METTL25: variants seen among roughly 807,000 people sequenced by gnomAD.
The protein encoded by METTL25 is methyltransferase like 25.
In METTL25, 64 loss-of-function variants were observed where a neutral mutation model predicts 71.6. The ratio of observed to expected loss-of-function variants is 0.89; its 90% CI spans 0.73 to 1.10. The LOEUF is 1.10. METTL25 is among the 50% of genes least tolerant of loss of function. The pLI is 0.00. For missense variants in METTL25, 807 were observed against 707.0 expected, an observed-to-expected ratio of 1.14 and a Z score of -1.60; for synonymous variants, 287 against 250.3, an observed-to-expected ratio of 1.15 and a Z score of -1.38.
At chr12:82,384,403 C>T (rs527989445) in intron 1 of METTL25, among the ~76,000 whole-genome samples, 7 of 148,438 alleles carry the variant, frequency 4.7e-5, no homozygotes, top group Non-Finnish European at 7.5e-5. Context: ...CTCTGTCTTC[C>T]TCCCTCCCTC....
Position 82,438,742 on chromosome 12 carries a change from C to A in METTL25, c.1429C>A (p.Arg477Ser), listed in dbSNP as rs763803362. The change falls in exon 8 of 12, where the codon CGT becomes AGT. Residue 477 changes from arginine (R) to serine (S), a missense_variant. By Grantham distance (110) the Arg-to-Ser change is moderately radical. Coordinates refer to ENST00000248306, the MANE Select transcript of METTL25 (RefSeq NM_032230.3). ...QGLPTESLFY[R>S]AVLQDIIKDC... is the part of the protein sequence containing the mutation. ...GCTGCCTACTGAATCACTCTTCTAT[C>A]GTGCTGTTCTTCAGGATATTATTAA... 6.5e-7 allele frequency: 1 copy of A among 1,535,000 alleles called. No individual in the cohort carries two copies. Among genetic ancestry groups the A allele is most frequent in the East Asian group, 2.4e-5 (1 of 42,354 alleles).
At chr12:82,400,032 T>C (rs1886455809) in intron 4 of METTL25, among the ~76,000 whole-genome samples, 1 of 151,284 alleles carries the variant, frequency 6.6e-6, no homozygotes, top group Non-Finnish European at 1.5e-5. Context: ...CCCAAAGAAA[T>C]GTATAAATAG....
At chr12:82,363,179 A>C in intron 1 of METTL25, among the ~76,000 whole-genome samples, 1 of 152,218 alleles carries the variant, frequency 6.6e-6, no homozygotes, top group East Asian at 1.9e-4. Flanking sequence ...ATGATCTCTT[A>C]ACTCCACATG....
At chr12:82,364,390 A>G (rs1016021858) in intron 1 of METTL25, among the ~76,000 whole-genome samples, 2 of 152,154 alleles carry the variant, frequency 1.3e-5, no homozygotes, top group African/African-American at 4.8e-5. Flanking sequence ...TCCTACGGGG[A>G]TGCTTTTGTG....
At chr12:82,387,443 A>G (rs1885149161) in intron 2 of METTL25, among the ~76,000 whole-genome samples, 1 of 152,078 alleles carries the variant, frequency 6.6e-6, no homozygotes, top group Non-Finnish European at 1.5e-5. Flanking sequence ...CTATAATAAT[A>G]TTCAATGTAA....
intron 7 of METTL25, among the ~76,000 whole-genome samples, chr12:82,435,768 A>G (rs1889872027): frequency 6.6e-6 from 1 of 151,482 alleles, no homozygotes. Context: ...AACAATGTCT[A>G]ACACATAGTA....
At chr12:82,416,360 C>G (rs1266083542) in intron 5 of METTL25, among the ~76,000 whole-genome samples, 1 of 151,558 alleles carries the variant, frequency 6.6e-6, no homozygotes, top group Non-Finnish European at 1.5e-5. Flanking sequence ...TCTGGTTATA[C>G]TATTTTAAGT....
At chr12:82,465,991 GT>G (rs71068931) in intron 9 of METTL25, among the ~76,000 whole-genome samples, 7 of 141,168 alleles carry the variant, frequency 5.0e-5, no homozygotes, top group African/African-American at 1.0e-4. Flanking sequence ...CTTCTTGCCT[GT>G]TTTTTTTTTT....
At chr12:82,438,143 G>A (rs1292084231) in intron 7 of METTL25, among the ~76,000 whole-genome samples, 1 of 151,702 alleles carries the variant, frequency 6.6e-6, no homozygotes, top group African/African-American at 2.4e-5. Context: ...TCTGCAAGAA[G>A]TGAAGCATTG....
intron 6 of METTL25, 100 bp from the exon 7 acceptor site, chr12:82,434,595 A>G (rs1889772912): frequency 3.3e-6 from 3 of 919,502 alleles, no homozygotes; most frequent in Middle Eastern, 2.2e-4. Flanking sequence ...CACATAATTA[A>G]TCTTTCTAAA....
chr12:82,419,518 A>G (rs1397171005), intron 5 of METTL25, among the ~76,000 whole-genome samples: 1 of 152,060 alleles, frequency 6.6e-6, no homozygotes, highest in South Asian at 2.1e-4. Context: ...TTTTGATATG[A>G]TACTGGACAA....
intron 9 of METTL25, among the ~76,000 whole-genome samples, chr12:82,473,858 C>T (rs1229733361): frequency 6.6e-6 from 1 of 152,084 alleles, no homozygotes; most frequent in Non-Finnish European, 1.5e-5. Flanking sequence ...CAATCCTGGA[C>T]CCAGGCCCCA....
At chr12:82,439,266 A>G (rs1890153432) in intron 8 of METTL25, among the ~76,000 whole-genome samples, 1 of 151,648 alleles carries the variant, frequency 6.6e-6, no homozygotes, top group African/African-American at 2.4e-5. Flanking sequence ...AGCACTACAT[A>G]TGTTTTGTTT....
chr12:82,441,235 A>G (rs1254916753), intron 8 of METTL25, among the ~76,000 whole-genome samples: 1 of 151,988 alleles, frequency 6.6e-6, no homozygotes, highest in Non-Finnish European at 1.5e-5. Flanking sequence ...CCTACAAGAA[A>G]TAAATTCCCT....
intron 1 of METTL25, among the ~76,000 whole-genome samples, chr12:82,379,732 C>A (rs530158629): frequency 6.6e-6 from 1 of 152,162 alleles, no homozygotes; most frequent in Non-Finnish European, 1.5e-5. Context: ...CCAGTGCTAA[C>A]CAGTGGATTA....
intron 1 of METTL25, among the ~76,000 whole-genome samples, chr12:82,380,419 A>G (rs1884326297): frequency 1.7e-5 from 1 of 57,466 alleles, no homozygotes. Context: ...TTAAAAGTTT[A>G]TATATGTATG....
intron 8 of METTL25, among the ~76,000 whole-genome samples, chr12:82,455,382 C>T (rs377242047): frequency 8.6e-5 from 13 of 151,752 alleles, no homozygotes; most frequent in African/African-American, 1.9e-4. Flanking sequence ...ATACAGAAAC[C>T]TACAAAAATA....
At chr12:82,420,091 A>G (rs1325176720) in intron 5 of METTL25, among the ~76,000 whole-genome samples, 2 of 152,192 alleles carry the variant, frequency 1.3e-5, no homozygotes, top group Non-Finnish European at 2.9e-5. Context: ...AAATTATCTT[A>G]AGTGAATTAA....
chr12:82,403,031 AC>A lies in METTL25; in HGVS notation c.1181del (p.Thr394IlefsTer48). On this transcript the variant is annotated frameshift_variant, in exon 5 of 12. Transcript: ENST00000248306. LOFTEE classifies it high-confidence loss of function. ...LHTCGDLAPNTLRIFTSNSEI... is the reference protein window; with the variant it reads ...LHTCGDLAPNXLRIFTSNSEI... ...CACTTGTGGTGATCTGGCTCCAAAT[AC>A]TTTGCGAATATTTACCTCCAACTCT... The A allele has an allele frequency of 6.2e-7, 1 of 1,613,346 alleles. No individual in the cohort carries two copies. Among genetic ancestry groups the A allele is most frequent in the South Asian group, 1.1e-5 (1 of 91,038 alleles).
Sources: allele counts gnomAD v4.1 joint callset (sites outside exome capture counted in the v4.1 genomes callset), GRCh38; gene constraint gnomAD v4.1.1; transcripts MANE v1.5; gene names NCBI Gene and HGNC (gene_info 2026-07-23, HGNC 2026-07-21).